AUTS2: variants seen among roughly 807,000 people sequenced by gnomAD.
AUTS2 encodes autism susceptibility gene 2 protein.
In AUTS2, 17 loss-of-function variants were observed where a neutral mutation model predicts 112.4. The ratio of observed to expected loss-of-function variants is 0.15; its 90% confidence interval spans 0.10 to 0.23. The LOEUF (loss-of-function observed/expected upper bound fraction) is 0.23, where lower values mean the gene tolerates loss of function less well. Ranked by LOEUF, AUTS2 falls within the 10% of genes least tolerant of loss-of-function variation. The pLI, the probability that AUTS2 is intolerant of heterozygous loss-of-function variation, is 1.00. For missense variants in AUTS2, 1,510 were observed against 1,701.6 expected (o/e 0.89, Z 1.98); for synonymous variants, 751 against 702.7 (o/e 1.07, Z -1.09).
At chr7:70,717,235 A>AC (rs1810431324) in intron 6 of AUTS2, among the ~76,000 whole-genome samples, 1 of 151,730 alleles carries the variant, frequency 6.6e-6, no homozygotes, top group African/African-American at 2.4e-5. Context: ...CTATGGAGAC[A>AC]CCGTCTTGCT....
intron 1 of AUTS2, among the ~76,000 whole-genome samples, chr7:69,708,232 AATATTCTAGAGCATC>A (rs1283698485): frequency 6.6e-6 from 1 of 152,226 alleles, no homozygotes; most frequent in African/African-American, 2.4e-5. Context: ...ACACAGGAAA[AATATTCTAGAGCATC>A]ATATTGCTCA....
At chr7:70,485,757 C>T (rs1252979035) in intron 5 of AUTS2, among the ~76,000 whole-genome samples, 1 of 152,098 alleles carries the variant, frequency 6.6e-6, no homozygotes, top group Non-Finnish European at 1.5e-5. Context: ...CCCGTGTGTT[C>T]CTGTCACATT....
At chr7:70,785,384 AG>A (rs1240581028) in intron 16 of AUTS2, 1 of 515,362 alleles carries the variant, frequency 1.9e-6, no homozygotes, top group Non-Finnish European at 3.8e-6. Context: ...GGTCACCTCT[AG>A]GAAGCGGAAA....
intron 5 of AUTS2, among the ~76,000 whole-genome samples, chr7:70,484,151 A>C (rs1797895212): frequency 6.6e-6 from 1 of 152,244 alleles, no homozygotes; most frequent in African/African-American, 2.4e-5. Context: ...AAGCCCAATG[A>C]ATGTTATATT....
At position 70,789,968 on chromosome 7, in the gene AUTS2, GAGA is replaced by G; in HGVS notation, c.2755_2757del (p.Lys919del). 1 of 1,612,864 alleles carries G rather than the reference GAGA, an allele frequency of 6.2e-7. No homozygotes were observed. Among genetic ancestry groups the G allele is most frequent in the Non-Finnish European group, 8.5e-7 (1 of 1,179,598 alleles). On this transcript the variant is annotated inframe_deletion, in exon 19 of 19. Coordinates refer to ENST00000342771, the MANE Select transcript of AUTS2 (RefSeq NM_015570.4). Reference sequence around the variant, plus strand: ...CAAGGCGAAAGAGGGCCACCTGCCCGAGAAGGACGGGCACGGCCACGAGGGGCG... The same window carrying G: ...CAAGGCGAAAGAGGGCCACCTGCCCGAGGACGGGCACGGCCACGAGGGGCG...
intron 4 of AUTS2, among the ~76,000 whole-genome samples, chr7:70,300,941 A>G (rs1789183049): frequency 1.3e-5 from 2 of 152,166 alleles, no homozygotes; most frequent in Admixed American, 1.3e-4. Flanking sequence ...TAAAGGCAAC[A>G]CCTTTTCAAG....
intron 1 of AUTS2, among the ~76,000 whole-genome samples, chr7:69,796,523 CAAAA>C (rs57474916): frequency 1.6e-5 from 2 of 126,166 alleles, no homozygotes; most frequent in Non-Finnish European, 1.7e-5. Flanking sequence ...ACTCTGTTTC[CAAAA>C]AAAAAAAAAA....
chr7:70,085,492 A>G (rs1055204248), intron 2 of AUTS2, among the ~76,000 whole-genome samples: 5 of 151,742 alleles, frequency 3.3e-5, no homozygotes, highest in African/African-American at 1.2e-4. Context: ...CAGCCTCCTG[A>G]GTAGCTGGAA....
chr7:69,735,351 T>C (rs1349837977), intron 1 of AUTS2, among the ~76,000 whole-genome samples: 1 of 152,146 alleles, frequency 6.6e-6, no homozygotes, highest in Admixed American at 6.5e-5. Context: ...AGTTATCCTA[T>C]GAAGGAGGAA....
chr7:69,976,101 T>G (rs1424769589), intron 2 of AUTS2, among the ~76,000 whole-genome samples: 2 of 152,376 alleles, frequency 1.3e-5, no homozygotes, highest in Admixed American at 1.3e-4. Flanking sequence ...GAAACACATA[T>G]CCAGAAGTTT....
intron 6 of AUTS2, among the ~76,000 whole-genome samples, chr7:70,727,533 A>G (rs777695643): frequency 3.9e-5 from 6 of 152,118 alleles, no homozygotes; most frequent in Non-Finnish European, 7.4e-5. Flanking sequence ...TACTTAGTAG[A>G]GATGGGGTTT....
At chr7:70,371,255 C>T (rs1792823560) in intron 4 of AUTS2, among the ~76,000 whole-genome samples, 1 of 152,180 alleles carries the variant, frequency 6.6e-6, no homozygotes, top group Non-Finnish European at 1.5e-5. Context: ...GGATATAGCC[C>T]AGGTATCTGT....
chr7:69,907,941 A>ATGG (rs1190985988), intron 2 of AUTS2, among the ~76,000 whole-genome samples: 2 of 152,222 alleles, frequency 1.3e-5, no homozygotes, highest in Non-Finnish European at 2.9e-5. Context: ...CATTACTGAA[A>ATGG]TGGTAGCTTT....
chr7:69,915,331 A>G (rs2129542242), intron 2 of AUTS2, among the ~76,000 whole-genome samples: 1 of 152,318 alleles, frequency 6.6e-6, no homozygotes, highest in Middle Eastern at 3.4e-3. Flanking sequence ...TGGAAATAGT[A>G]TTTTGTGTAT....
chr7:70,702,132 A>G (rs1159324014), intron 6 of AUTS2, among the ~76,000 whole-genome samples: 2 of 152,244 alleles, frequency 1.3e-5, no homozygotes, highest in Admixed American at 1.3e-4. Context: ...TCCTGCCAAG[A>G]TAATGAATCT....
At chr7:70,192,592 G>T (rs1052530564) in intron 4 of AUTS2, among the ~76,000 whole-genome samples, 1 of 152,204 alleles carries the variant, frequency 6.6e-6, no homozygotes, top group South Asian at 2.1e-4. Context: ...CTGCCACACA[G>T]TCCATCATGC....
chr7:69,829,828 C>T (rs180790577), intron 1 of AUTS2, among the ~76,000 whole-genome samples: 189 of 152,178 alleles, frequency 1.2e-3, no homozygotes, highest in African/African-American at 4.2e-3. Context: ...GACAGTGTGG[C>T]GATTCCTCAA....
intron 1 of AUTS2, among the ~76,000 whole-genome samples, chr7:69,684,039 T>G (rs926137901): frequency 6.6e-6 from 1 of 152,214 alleles, no homozygotes; most frequent in East Asian, 1.9e-4. Flanking sequence ...AGGGGATGCT[T>G]AAGGGCTTTG....
At chr7:69,636,489 C>A (rs1384962216) in intron 1 of AUTS2, among the ~76,000 whole-genome samples, 1 of 93,244 alleles carries the variant, frequency 1.1e-5, no homozygotes, top group Non-Finnish European at 2.5e-5. Context: ...CGCCCCCCCC[C>A]CCCCTTGGCC....
Sources: allele counts gnomAD v4.1 joint callset (sites outside exome capture counted in the v4.1 genomes callset), GRCh38; gene constraint gnomAD v4.1.1; transcripts MANE v1.5; gene names NCBI Gene and HGNC (gene_info 2026-07-23, HGNC 2026-07-21).